Variants in KMT2C observed in about 807,000 individuals in gnomAD.
KMT2C encodes the protein lysine methyltransferase 2C, also known as histone-lysine N-methyltransferase 2C.
Under a neutral mutation model 507.9 loss-of-function variants are expected in KMT2C, and 88 were observed. The observed-to-expected ratio is 0.17, with a 90% CI of 0.15 to 0.21. The LOEUF (loss-of-function observed/expected upper bound fraction) is 0.21. Among genes scored for constraint, KMT2C ranks in the 10% least tolerant of loss-of-function variants. The probability of loss-of-function intolerance (pLI) is 1.00; values close to 1 mark genes in which losing one functional copy is unlikely to be tolerated. For synonymous variants in KMT2C, 2,049 were observed against 2,080.8 expected, an observed-to-expected ratio of 0.98 and a Z score of 0.42; for missense variants, 4,954 against 5,957.8, an observed-to-expected ratio of 0.83 and a Z score of 5.55.
chr7:152,344,884 G>T (rs939473345), intron 2 of KMT2C, among the ~76,000 whole-genome samples: 2 of 152,142 alleles, frequency 1.3e-5, no homozygotes, highest in Non-Finnish European at 2.9e-5. Flanking sequence ...CTACTCGGGA[G>T]GCTGAGGCAG....
At chr7:152,178,476 C>A (rs1284023913) in intron 37 of KMT2C, among the ~76,000 whole-genome samples, 1 of 152,120 alleles carries the variant, frequency 6.6e-6, no homozygotes, top group African/African-American at 2.4e-5. Context: ...TACAAAGGCA[C>A]AGGTTTGATG....
rs2091771881 is a variant in KMT2C, at chr7:152,153,104, G to C, written c.12277-150C>G. On this transcript the variant is annotated intron_variant, in intron 48 of 58. Coordinates refer to ENST00000262189, the MANE Select transcript of KMT2C (RefSeq NM_170606.3). ...TTTATTTAGACTTAAAGAACCTCAG[G>C]AAAAAAATTAGCTCTAACGAACTAA... 3.9e-6 allele frequency: 4 copies of C among 1,015,372 alleles called. No homozygotes were observed. In the South Asian group the frequency reaches 5.9e-5, roughly 15 times the overall value. The allele number at this position is 1,015,372 out of a possible 1,614,324, so 62.9% of individuals were successfully genotyped here.
intron 6 of KMT2C, among the ~76,000 whole-genome samples, chr7:152,305,677 T>C (rs1410740037): frequency 1.3e-5 from 2 of 152,014 alleles, no homozygotes; most frequent in Non-Finnish European, 2.9e-5. Flanking sequence ...TGGATGAAAA[T>C]GCAATATTAT....
intron 1 of KMT2C, among the ~76,000 whole-genome samples, chr7:152,378,581 T>C (rs2129247051): frequency 6.6e-6 from 1 of 152,324 alleles, no homozygotes; most frequent in South Asian, 2.1e-4. Context: ...GTGCCTTGCT[T>C]TATGGTGATA....
intron 1 of KMT2C, among the ~76,000 whole-genome samples, chr7:152,386,887 GGATCTTAAGT>G (rs1187860197): frequency 3.3e-5 from 5 of 151,998 alleles, no homozygotes; most frequent in Non-Finnish European, 7.4e-5. Context: ...ACAGAGCTCG[GGATCTTAAGT>G]GACTTCCAAG....
intron 9 of KMT2C, among the ~76,000 whole-genome samples, chr7:152,253,581 C>T (rs2095598568): frequency 1.3e-5 from 2 of 148,338 alleles, no homozygotes; most frequent in Admixed American, 1.3e-4. Context: ...GTAGTCCCTG[C>T]TACTTGGGAA....
intron 31 of KMT2C, among the ~76,000 whole-genome samples, chr7:152,190,596 T>C (rs1267846873): frequency 2.0e-5 from 3 of 152,178 alleles, no homozygotes; most frequent in Non-Finnish European, 2.9e-5. Context: ...GTGGTCTTTT[T>C]TTTTTCCAAG....
chr7:152,430,862 C>A (rs1218802489), intron 1 of KMT2C, among the ~76,000 whole-genome samples: 1 of 152,112 alleles, frequency 6.6e-6, no homozygotes, highest in African/African-American at 2.4e-5. Context: ...GGAAACTGAC[C>A]AATTTTCACC....
intron 6 of KMT2C, among the ~76,000 whole-genome samples, chr7:152,286,537 A>G (rs2096300163): frequency 6.6e-6 from 1 of 152,290 alleles, no homozygotes; most frequent in Non-Finnish European, 1.5e-5. Flanking sequence ...TGCTTGAAGA[A>G]GAAAAACATA....
chr7:152,431,341 G>GT (rs1325791605), intron 1 of KMT2C, among the ~76,000 whole-genome samples: 1 of 152,100 alleles, frequency 6.6e-6, no homozygotes, highest in Non-Finnish European at 1.5e-5. Flanking sequence ...TTTCATGTCT[G>GT]TAATCCCAGC....
chr7:152,388,746 T>C (rs1016511380), intron 1 of KMT2C, among the ~76,000 whole-genome samples: 2 of 151,650 alleles, frequency 1.3e-5, no homozygotes, highest in African/African-American at 4.9e-5. Context: ...GGGGACTACT[T>C]AGACTTTTTT....
At position 152,177,481 on chromosome 7, in the gene KMT2C, A is replaced by G. The variant is rs757467933; in HGVS notation, c.7972T>C (p.Ser2658Pro). Residue 2658 changes from serine (S) to proline (P), a missense_variant, in exon 38 of 59, where the codon TCA becomes CCA. This residue lies in a region of KMT2C where 1,689 missense variants were observed against 1,654.3 expected (regional missense o/e 1.02). Coordinates refer to ENST00000262189, the MANE Select transcript of KMT2C (RefSeq NM_170606.3). ...TLNHPLGGEF[S>P]EAPLSTSVPS... ...ACAGATGTTGACAAAGGAGCTTCTG[A>G]AAATTCACCACCTAGTGGATGGTTC... 6.2e-7 allele frequency: 1 copy of G among 1,614,218 alleles called. No homozygotes were observed. Among genetic ancestry groups the G allele is most frequent in the South Asian group, 1.1e-5 (1 of 91,086 alleles).
intron 1 of KMT2C, among the ~76,000 whole-genome samples, chr7:152,369,422 T>C (rs994057904): frequency 5.3e-5 from 8 of 152,044 alleles, no homozygotes; most frequent in Non-Finnish European, 1.0e-4. Context: ...TCTGACTGTT[T>C]GTAAAGATCA....
intron 2 of KMT2C, among the ~76,000 whole-genome samples, chr7:152,349,572 T>C (rs560466113): frequency 9.2e-5 from 14 of 152,048 alleles, no homozygotes; most frequent in African/African-American, 3.1e-4. Context: ...TATTTGACAC[T>C]CTGGAAAAGG....
In KMT2C at chr7:152,144,816, T is replaced by A. The variant is rs2129092783; in HGVS notation, c.14240A>T (p.Asn4747Ile). 1 of 1,614,178 alleles carries A rather than the reference T, an allele frequency of 6.2e-7. No homozygotes were observed. The highest frequency in any genetic ancestry group is 8.5e-7 in the Non-Finnish European group (1 of 1,180,008). The change falls in exon 55 of 59, where the codon AAC becomes ATC. Residue 4747 changes from asparagine to isoleucine, a missense_variant. Around this residue, in one of 29 missense-constraint regions of KMT2C, gnomAD observed 133 missense variants for 258.9 expected, o/e 0.51. Coordinates refer to ENST00000262189, the MANE Select transcript of KMT2C (RefSeq NM_170606.3). This position sits in a 1 kb window ranked among gnomAD's most constrained non-coding sequence, Gnocchi z 4.4. ...SFQSTVTGELNAPYSKQFVHS... is the reference protein window; with the variant it reads ...SFQSTVTGELIAPYSKQFVHS... ...AACAAACTGTTTACTATAAGGTGCG[T>A]TCAGTTCTCCAGTGACTGTGCTCTG...
intron 3 of KMT2C, among the ~76,000 whole-genome samples, chr7:152,329,282 A>C (rs1479595404): frequency 6.6e-6 from 1 of 152,114 alleles, no homozygotes; most frequent in Admixed American, 6.5e-5. Flanking sequence ...AAGATGAGAG[A>C]GGTCAGGTGC....
intron 18 of KMT2C, among the ~76,000 whole-genome samples, chr7:152,226,218 C>CATTTTTTTTTTTTTTTTTTTTTTTTTT (rs1563479395): frequency 7.8e-6 from 1 of 128,026 alleles, no homozygotes; most frequent in African/African-American, 3.2e-5. Context: ...CATTACAAGG[C>CATTTTTTTTTTTTTTTTTTTTTTTTTT]CTTTTTTTTT....
At chr7:152,367,268 T>C in intron 1 of KMT2C, 4 of 1,315,996 alleles carry the variant, frequency 3.0e-6, no homozygotes, top group Non-Finnish European at 4.3e-6. Flanking sequence ...GGAACCAACA[T>C]TCAAAGCAGC....
chr7:152,257,120 C>T (rs2095673465), intron 9 of KMT2C, among the ~76,000 whole-genome samples: 1 of 152,144 alleles, frequency 6.6e-6, no homozygotes, highest in Admixed American at 6.5e-5. Context: ...AAAGCACAGG[C>T]CATTGGTTGA....
Sources: gnomAD v4.1 joint callset for allele counts (sites outside exome capture counted in the v4.1 genomes callset) on GRCh38, gnomAD v4.1.1 for gene constraint, gnomAD v4.1.1 regional missense constraint, Gnocchi (gnomAD v3.1) non-coding constraint, MANE v1.5 for transcripts, NCBI Gene and HGNC (gene_info 2026-07-23, HGNC 2026-07-21) for gene names.